ADAM18: variants seen among roughly 807,000 people sequenced by gnomAD.
The protein encoded by ADAM18 is ADAM metallopeptidase domain 18.
A neutral mutation model predicts 94.4 loss-of-function variants in ADAM18; 117 were observed. The ratio of observed to expected loss-of-function variants is 1.24; its 90% CI spans 1.07 to 1.45. ADAM18 has a LOEUF of 1.45. Among genes scored for constraint, ADAM18 ranks in the 40% most tolerant of loss-of-function variants. The pLI is 0.00. For synonymous variants in ADAM18, 327 were observed against 291.6 expected (o/e 1.12, Z -1.24); for missense variants, 936 against 880.0 (o/e 1.06, Z -0.81).
Position 39,680,059 on chromosome 8 carries a change from G to A in ADAM18, c.1654G>A (p.Ala552Thr), listed in dbSNP as rs1203630096. ...ERKDVLCGKL[A>T]CVQPHKNANK... ...CAGGGATGTTCTCTGTGGAAAATTA[G>A]CTTGTGTTCAGCCACATAAAAATGC... Residue 552 changes from alanine (A) to threonine (T), a missense_variant, in exon 16 of 20, where the codon GCT becomes ACT. By Grantham distance (58) the Ala-to-Thr change is moderately conservative (BLOSUM62 0). Transcript: ENST00000265707. 6.2e-7 allele frequency: 1 copy of A among 1,613,518 alleles called. No homozygotes were observed. The highest frequency in any genetic ancestry group is 1.1e-5 in the South Asian group (1 of 91,054).
intron 18 of ADAM18, among the ~76,000 whole-genome samples, chr8:39,710,825 A>G (rs1822376059): frequency 6.6e-6 from 1 of 152,234 alleles, no homozygotes; most frequent in Non-Finnish European, 1.5e-5. Context: ...GCAGAAAATA[A>G]CTAGGAATTT....
At chr8:39,590,248 T>C (rs1196169159) in intron 2 of ADAM18, among the ~76,000 whole-genome samples, 1 of 151,996 alleles carries the variant, frequency 6.6e-6, no homozygotes, top group Non-Finnish European at 1.5e-5. Flanking sequence ...TGGAATACTA[T>C]GCAGCCATAA....
chr8:39,695,690 C>T (rs1379498971), intron 17 of ADAM18, among the ~76,000 whole-genome samples: 1 of 151,124 alleles, frequency 6.6e-6, no homozygotes, highest in Non-Finnish European at 1.5e-5. Context: ...CAATATTTGT[C>T]CTTTTGTGAC....
rs549130199 is a variant in ADAM18, at chr8:39,647,222, G to A, written c.1047-1122G>A. On this transcript the variant is annotated intron_variant, in intron 11 of 19. Transcript: ENST00000265707. ...CGGTAGGAGAGCAGAGTGATAATAA[G>A]GAGAAAGTCAGCAAAAAAAAAAAAA... 3.6e-4 allele frequency among the ~76,000 whole-genome samples: 42 copies of A among 115,450 alleles called. 1 individual carries two copies. The East Asian group carries it at 7.7e-3, about 21-fold the overall frequency. The allele number at this position is 115,450 out of a possible 152,430, so 75.7% of individuals were successfully genotyped here.
At chr8:39,700,607 G>A (rs188567301) in intron 17 of ADAM18, among the ~76,000 whole-genome samples, 26 of 151,840 alleles carry the variant, frequency 1.7e-4, no homozygotes, top group African/African-American at 6.0e-4. Flanking sequence ...AACTAATTGG[G>A]ACATTATTAA....
intron 6 of ADAM18, among the ~76,000 whole-genome samples, chr8:39,613,162 G>A (rs2129578579): frequency 6.6e-6 from 1 of 152,242 alleles, no homozygotes; most frequent in Admixed American, 6.5e-5. Flanking sequence ...GCCACTGCTG[G>A]TCTGCATGCA....
At chr8:39,626,992 C>T (rs777506829) in intron 6 of ADAM18, among the ~76,000 whole-genome samples, 25 of 151,996 alleles carry the variant, frequency 1.6e-4, no homozygotes, top group African/African-American at 4.3e-4. Flanking sequence ...GTCAGGGGAG[C>T]GTTGAAGTCA....
At chr8:39,637,162 C>G (rs994866546) in intron 7 of ADAM18, 102 bp from the exon 8 acceptor site, 5 of 844,358 alleles carry the variant, frequency 5.9e-6, no homozygotes, top group Admixed American at 3.2e-5. Flanking sequence ...TACTTTAAAA[C>G]AGCTCTAGAT....
chr8:39,645,416 G>A lies in ADAM18; in HGVS notation c.988G>A (p.Asp330Asn). The A allele has an allele frequency of 1.9e-6, 3 of 1,612,556 alleles. No homozygotes were observed. The highest frequency in any genetic ancestry group is 1.7e-6 in the Non-Finnish European group (2 of 1,179,290). The change falls in exon 11 of 20, where the codon GAT becomes AAT. Residue 330 changes from aspartate to asparagine, a missense_variant. Asp to Asn is a conservative substitution (Grantham distance 23, BLOSUM62 1). Coordinates refer to ENST00000265707, the MANE Select transcript of ADAM18 (RefSeq NM_014237.3). Reference sequence around the variant, plus strand: ...TGGCCTTAATGTAGGATTAACATATGATGACATCACTCAGTGTTTCTGTCT... The same window carrying A: ...TGGCCTTAATGTAGGATTAACATATAATGACATCACTCAGTGTTTCTGTCT... The part of the protein sequence containing the change: ...LLGLNVGLTY[D>N]DITQCFCLRA...
intron 16 of ADAM18, among the ~76,000 whole-genome samples, chr8:39,692,154 C>G (rs897001040): frequency 1.3e-5 from 2 of 151,788 alleles, no homozygotes; most frequent in African/African-American, 4.8e-5. Context: ...TCTGAGGAAT[C>G]TTATAACAAA....
At chr8:39,601,440 G>A (rs1377305979) in intron 2 of ADAM18, among the ~76,000 whole-genome samples, 1 of 152,132 alleles carries the variant, frequency 6.6e-6, no homozygotes, top group Non-Finnish European at 1.5e-5. Flanking sequence ...CCTTCTTGAG[G>A]AATTGACACT....
intron 6 of ADAM18, among the ~76,000 whole-genome samples, chr8:39,613,865 TA>T (rs1221814958): frequency 6.6e-6 from 1 of 151,900 alleles, no homozygotes; most frequent in Non-Finnish European, 1.5e-5. Flanking sequence ...TAGACAAAAC[TA>T]AAGAAATAAT....
At chr8:39,616,122 G>T (rs969058649) in intron 6 of ADAM18, among the ~76,000 whole-genome samples, 7 of 152,120 alleles carry the variant, frequency 4.6e-5, no homozygotes, top group African/African-American at 1.7e-4. Flanking sequence ...TGTTAAAATG[G>T]GCCAGCCACA....
chr8:39,691,531 C>A (rs1050056426), intron 16 of ADAM18, among the ~76,000 whole-genome samples: 3 of 152,074 alleles, frequency 2.0e-5, no homozygotes, highest in African/African-American at 7.2e-5. Context: ...AATAAACTCC[C>A]ATGTTTATTG....
chr8:39,616,598 A>C (rs1308960926), intron 6 of ADAM18, among the ~76,000 whole-genome samples: 2 of 152,208 alleles, frequency 1.3e-5, no homozygotes, highest in Non-Finnish European at 2.9e-5. Flanking sequence ...AGCTGCAATC[A>C]TCACATTATC....
chr8:39,706,940 G>A (rs771047773), intron 18 of ADAM18, 36 bp downstream of exon 18: 3 of 1,237,974 alleles, frequency 2.4e-6, no homozygotes, highest in South Asian at 1.3e-5. Context: ...CAAAATAGAA[G>A]GTTGTTTTAT....
intron 19 of ADAM18, among the ~76,000 whole-genome samples, chr8:39,729,529 A>G (rs759337239): frequency 2.0e-5 from 3 of 152,154 alleles, no homozygotes. Context: ...AGGTTTTTCT[A>G]AGAAACAAAG....
chr8:39,591,063 AT>A (rs981629238), intron 2 of ADAM18, among the ~76,000 whole-genome samples: 2 of 152,354 alleles, frequency 1.3e-5, no homozygotes, highest in African/African-American at 4.8e-5. Flanking sequence ...ATGGCTAAAA[AT>A]AACATTGTAT....
intron 6 of ADAM18, chr8:39,611,289 C>T (rs1819264001): frequency 2.0e-6 from 1 of 504,280 alleles, no homozygotes; most frequent in Admixed American, 6.4e-5. Flanking sequence ...CTTCCTTTGC[C>T]TTTGTCTTAT....
Sources: gnomAD v4.1 joint callset for allele counts (sites outside exome capture counted in the v4.1 genomes callset) on GRCh38, gnomAD v4.1.1 for gene constraint, MANE v1.5 for transcripts, NCBI Gene and HGNC (gene_info 2026-07-23, HGNC 2026-07-21) for gene names.